The following PCSK6 variants were observed in gnomAD, a reference collection of about 807,000 sequenced individuals.
PCSK6 encodes paired basic amino acid cleaving enzyme 4.
A neutral mutation model predicts 123.3 loss-of-function variants in PCSK6; 85 were observed. That is an observed-to-expected ratio of 0.69 (90% confidence interval 0.58 to 0.83). PCSK6 has a LOEUF of 0.83. Among genes scored for constraint, PCSK6 ranks in the 40% least tolerant of loss-of-function variants. The pLI is 0.00. For missense variants in PCSK6, 1,191 were observed against 1,282.3 expected (o/e 0.93, Z 1.09); for synonymous variants, 508 against 516.0 (o/e 0.98, Z 0.21).
chr15:101,447,806 AG>A (rs1159949131), intron 1 of PCSK6, among the ~76,000 whole-genome samples: 2 of 152,344 alleles, frequency 1.3e-5, no homozygotes, highest in Non-Finnish European at 2.9e-5. Context: ...CCGTGCTCAC[AG>A]CTCATCGACT....
chr15:101,363,708 T>C (rs2041302839), intron 13 of PCSK6, among the ~76,000 whole-genome samples: 1 of 151,930 alleles, frequency 6.6e-6, no homozygotes, highest in African/African-American at 2.4e-5. Context: ...CGGCTCACTG[T>C]AAGCTCCGCC....
At chr15:101,473,038 C>G (rs1017716737) in intron 1 of PCSK6, among the ~76,000 whole-genome samples, 1 of 152,148 alleles carries the variant, frequency 6.6e-6, no homozygotes, top group African/African-American at 2.4e-5. Context: ...GTGTCCATAC[C>G]TACCTCTGAG....
chr15:101,313,480 G>A lies in PCSK6; in HGVS notation c.2595C>T (p.His865=). 6.2e-7 allele frequency: 1 copy of A among 1,607,824 alleles called. No individual in the cohort carries two copies. Among genetic ancestry groups the A allele is most frequent in the Non-Finnish European group, 8.5e-7 (1 of 1,179,062 alleles). ...CGTGGAAGTGGAAGTTTTTCGCACA[G>A]TGAATGCACTCTTCTCTGCCTGGCC... ...CVGPGREECI[H]CAKNFHFHDW... The change falls in exon 20 of 22, where the codon CAC becomes CAT. Residue 865 remains histidine, a synonymous_variant. Coordinates refer to ENST00000611716, the MANE Select transcript of PCSK6 (RefSeq NM_002570.5).
At chr15:101,365,206 TA>T (rs780442974) in intron 13 of PCSK6, among the ~76,000 whole-genome samples, 6 of 151,714 alleles carry the variant, frequency 4.0e-5, no homozygotes, top group Admixed American at 6.6e-5. Flanking sequence ...AACACAGGAG[TA>T]AATCTCTGTG....
rs1435061378 is a variant in PCSK6 at position 101,398,293 on chromosome 15, G to C, written c.996+111C>G. 5.3e-6 allele frequency: 7 copies of C among 1,321,244 alleles called. No homozygotes were observed. The Admixed American group carries it at 1.5e-4, about 29-fold the overall frequency. The allele number at this position is 1,321,244 out of a possible 1,614,324, so 81.8% of individuals were successfully genotyped here. Reference sequence around the variant, plus strand: ...TGGCCCTGGCACCTGTCACAGCAGAGTCTTCCCTGTCTTGTTTCAGGGCTG... The same window carrying C: ...TGGCCCTGGCACCTGTCACAGCAGACTCTTCCCTGTCTTGTTTCAGGGCTG... On this transcript the variant is annotated intron_variant, in intron 7 of 21. Transcript: ENST00000611716. This position sits in a 1 kb window ranked among gnomAD's most constrained non-coding sequence, Gnocchi z 4.6.
Position 101,331,926 on chromosome 15 carries a change from G to A in PCSK6, c.1964C>T (p.Pro655Leu). 6.2e-7 allele frequency: 1 copy of A among 1,613,900 alleles called. No homozygotes were observed. The highest frequency in any genetic ancestry group is 2.2e-5 in the East Asian group (1 of 44,884). Reference sequence around the variant, plus strand: ...GGCAGCCTTGGGTGGCTCCAGCTCTGGGGCTGAGAGCTCCAGCATCCGCGA... The same window carrying A: ...GGCAGCCTTGGGTGGCTCCAGCTCTAGGGCTGAGAGCTCCAGCATCCGCGA... ...SRSRMLELSA[P>L]ELEPPKAALS... is the part of the protein sequence containing the mutation. The change falls in exon 14 of 22, where the codon CCA (proline) becomes CTA (leucine). Residue 655 changes from proline to leucine, a missense_variant. Pro to Leu is a moderately conservative substitution (Grantham distance 98). This residue lies in a region of PCSK6 where 630 missense variants were observed against 631.4 expected (regional missense o/e 1.00). Coordinates refer to ENST00000611716, the MANE Select transcript of PCSK6 (RefSeq NM_002570.5).
chr15:101,445,595 G>A (rs899421940), intron 1 of PCSK6, among the ~76,000 whole-genome samples: 11 of 152,026 alleles, frequency 7.2e-5, no homozygotes, highest in African/African-American at 2.7e-4. Flanking sequence ...GTGTCAAAAG[G>A]CTCCTCCTCA....
intron 13 of PCSK6, among the ~76,000 whole-genome samples, chr15:101,363,513 C>T (rs1396808867): frequency 6.6e-6 from 1 of 152,260 alleles, no homozygotes; most frequent in Non-Finnish European, 1.5e-5. Context: ...ACTTTTAATA[C>T]TCGGCCAATA....
rs776654785 is a variant in PCSK6, at chr15:101,323,259, G to A, written c.2378-652C>T. 5.3e-5 allele frequency among the ~76,000 whole-genome samples: 8 copies of A among 152,298 alleles called. No individual in the cohort carries two copies. The East Asian group carries it at 1.2e-3, about 22-fold the overall frequency. On this transcript the variant is annotated intron_variant, in intron 17 of 21. Coordinates refer to ENST00000611716, the MANE Select transcript of PCSK6 (RefSeq NM_002570.5). ...AGGGCCCCCACAGGTGGCATCATAC[G>A]CCATAAAGCAGGTGCTGAGTGAGGA...
At chr15:101,403,656 C>T (rs952672226) in intron 6 of PCSK6, among the ~76,000 whole-genome samples, 3 of 152,300 alleles carry the variant, frequency 2.0e-5, no homozygotes, top group African/African-American at 7.2e-5. Flanking sequence ...CCCTGTCACC[C>T]CCAGCTTCTC....
intron 13 of PCSK6, among the ~76,000 whole-genome samples, chr15:101,354,718 C>A (rs1017124189): frequency 1.3e-5 from 2 of 152,160 alleles, no homozygotes; most frequent in Admixed American, 6.5e-5. Context: ...ACAATGAGTC[C>A]CCGTGCCCCA....
chr15:101,396,567 G>A (rs1385730124), intron 7 of PCSK6, among the ~76,000 whole-genome samples: 1 of 151,842 alleles, frequency 6.6e-6, no homozygotes, highest in Non-Finnish European at 1.5e-5. Flanking sequence ...TTGTCATCAA[G>A]ACTGAGATCC....
At chr15:101,435,318 AAAAGAAAG>A (rs56796892) in intron 2 of PCSK6, among the ~76,000 whole-genome samples, 69 of 148,200 alleles carry the variant, frequency 4.7e-4, no homozygotes, top group African/African-American at 1.2e-3. Context: ...CTCAAAAAAA[AAAAGAAAG>A]AAAGAAAGAA....
chr15:101,331,409 C>G (rs563785392), intron 15 of PCSK6, among the ~76,000 whole-genome samples: 2 of 152,208 alleles, frequency 1.3e-5, no homozygotes, highest in Non-Finnish European at 2.9e-5. Flanking sequence ...CTCCTTGAAC[C>G]CAACCTTCCT....
intron 18 of PCSK6, among the ~76,000 whole-genome samples, chr15:101,322,015 A>AAT (rs1285360552): frequency 3.9e-5 from 6 of 152,252 alleles, no homozygotes; most frequent in African/African-American, 1.4e-4. Flanking sequence ...AACCCAGTAG[A>AAT]ATGATTTTAA....
intron 15 of PCSK6, among the ~76,000 whole-genome samples, chr15:101,327,256 T>C (rs988786149): frequency 1.3e-5 from 2 of 152,172 alleles, no homozygotes; most frequent in Non-Finnish European, 2.9e-5. Flanking sequence ...GAAAAACAAC[T>C]GAGAACTGCA....
At chr15:101,426,684 C>A (rs1372631078) in intron 6 of PCSK6, among the ~76,000 whole-genome samples, 1 of 152,200 alleles carries the variant, frequency 6.6e-6, no homozygotes, top group Admixed American at 6.5e-5. Flanking sequence ...GACTGGTGAT[C>A]CAGGGAACCG....
chr15:101,439,339 G>T lies in PCSK6; in HGVS notation c.402+4217C>A, dbSNP rs866924272. ...CGGAAGGGCAGAGCATGTCGTGAAA[G>T]AATAAAATGCTGTCTTTTAAGGTAA... is the stretch of plus-strand genomic sequence containing the variant. On this transcript the variant is annotated intron_variant, in intron 2 of 21. Transcript: ENST00000611716. Among the ~76,000 whole-genome samples the T allele has an allele frequency of 6.6e-5, 10 of 152,248 alleles. No individual in the cohort carries two copies. In the South Asian group the frequency reaches 1.9e-3, roughly 28 times the overall value.
At chr15:101,319,556 T>C (rs1010951781) in intron 18 of PCSK6, among the ~76,000 whole-genome samples, 2 of 152,224 alleles carry the variant, frequency 1.3e-5, no homozygotes, top group Non-Finnish European at 2.9e-5. Flanking sequence ...GAACCAACCA[T>C]TGATCAGAGC....
Sources: allele counts gnomAD v4.1 joint callset (sites outside exome capture counted in the v4.1 genomes callset), GRCh38; gene constraint gnomAD v4.1.1; regional missense constraint gnomAD v4.1.1; non-coding constraint Gnocchi (gnomAD v3.1); transcripts MANE v1.5; gene names NCBI Gene and HGNC (gene_info 2026-07-23, HGNC 2026-07-21).